The following ZNF19 variants were observed in gnomAD, a reference collection of about 807,000 sequenced individuals.
The protein encoded by ZNF19 is zinc finger protein 19, also known as zinc finger protein 19 (KOX 12).
ZNF19 carries 11 observed loss-of-function variants against 13.1 expected under a neutral mutation model. The observed-to-expected ratio is 0.84, with a 90% CI of 0.53 to 1.39. The LOEUF (loss-of-function observed/expected upper bound fraction) is 1.39, where lower values mean the gene tolerates loss of function less well. Ranked by LOEUF, ZNF19 falls within the 40% of genes most tolerant of loss-of-function variation. The pLI, the probability that ZNF19 is intolerant of heterozygous loss-of-function variation, is 0.00. For missense variants in ZNF19, 560 were observed against 547.0 expected (o/e 1.02, Z -0.24); for synonymous variants, 186 against 187.0 (o/e 0.99, Z 0.04).
At chr16:71,481,967 T>C in intron 3 of ZNF19, 115 bp downstream of exon 3, 1 of 1,078,348 alleles carries the variant, frequency 9.3e-7, no homozygotes, top group Non-Finnish European at 1.4e-6. Context: ...CTGGAGGGAA[T>C]CAGCAGGGGT....
In ZNF19 at chr16:71,484,720, G is replaced by T. The variant is rs1373090065; in HGVS notation, c.-161C>A. ...TGGTTGTGTGGTTTTACTCCCGGGA[G>T]GAGTTTCCACCCGGGGATCCTCAGA... On this transcript the variant is annotated 5_prime_UTR_variant, in exon 2 of 6. Transcript: ENST00000288177. The T allele has an allele frequency of 2.0e-6, 2 of 985,296 alleles. No individual in the cohort carries two copies. The highest frequency in any genetic ancestry group is 3.5e-5 in the African/African-American group (2 of 57,216). 61.0% of individuals were successfully genotyped at this position (985,296 alleles called of 1,614,324 possible).
chr16:71,480,409 G>A (rs928829892), intron 3 of ZNF19, among the ~76,000 whole-genome samples: 2 of 152,104 alleles, frequency 1.3e-5, no homozygotes, highest in Admixed American at 1.3e-4. Context: ...GTGGCAGTGT[G>A]ACAATATTTT....
intron 1 of ZNF19, among the ~76,000 whole-genome samples, chr16:71,488,299 G>A (rs948919497): frequency 6.6e-6 from 1 of 150,682 alleles, no homozygotes; most frequent in Non-Finnish European, 1.5e-5. Flanking sequence ...GGTGGAGGAT[G>A]CAGTAAGCTG....
rs749701548 is a variant in ZNF19, at chr16:71,476,090, T to C, written c.457A>G (p.Arg153Gly). ...TVKNIQGKVP[R>G]IPCARKPFIC... ...AAAGGTTTCCTTGCACAGGGGATTC[T>C]TGGAACCTTTCCTTGGATATTTTTC... The change falls in exon 6 of 6, where the codon AGA becomes GGA. Residue 153 changes from arginine (R) to glycine (G), a missense_variant. Arg to Gly is a moderately radical substitution (Grantham distance 125). Transcript: ENST00000288177. 6.2e-7 allele frequency: 1 copy of C among 1,614,238 alleles called. No individual in the cohort carries two copies. The highest frequency in any genetic ancestry group is 8.5e-7 in the Non-Finnish European group (1 of 1,180,028).
chr16:71,478,119 A>G (rs2043613751), intron 5 of ZNF19, 109 bp downstream of exon 5: 2 of 712,084 alleles, frequency 2.8e-6, no homozygotes, highest in African/African-American at 1.8e-5. Flanking sequence ...TATTTTACCT[A>G]TTAGGTGAAA....
chr16:71,478,202 G>A (rs1278196431), intron 5 of ZNF19, 26 bp downstream of exon 5: 1 of 1,512,640 alleles, frequency 6.6e-7, no homozygotes, highest in Admixed American at 1.7e-5. Flanking sequence ...CGCTACAATT[G>A]TTGGTTCTAA....
intron 3 of ZNF19, among the ~76,000 whole-genome samples, chr16:71,480,985 G>A (rs779392727): frequency 5.9e-5 from 9 of 152,204 alleles, no homozygotes; most frequent in East Asian, 5.8e-4. Context: ...GAATCTATCC[G>A]GGAAGCGCTG....
Position 71,475,182 on chromosome 16 carries a change from G to C in ZNF19, c.1365C>G (p.Pro455=), listed in dbSNP as rs374729640. 9.9e-5 allele frequency: 159 copies of C among 1,598,150 alleles called. 3 individuals carry two copies. In the Middle Eastern group the frequency reaches 2.1e-3, roughly 22 times the overall value. ...CRFGLPEFFT[P]FYW is the part of the protein sequence containing the mutation. ...CTGGAGTGTACTATTACCAGTAAAA[G>C]GGGGTAAAAAATTCTGGGAGGCCAA... The change falls in exon 6 of 6, where the codon CCC becomes CCG. Residue 455 remains proline (P), a synonymous_variant. Transcript: ENST00000288177.
At chr16:71,484,407 G>C (rs950415277) in intron 2 of ZNF19, among the ~76,000 whole-genome samples, 182 bp downstream of exon 2, 3 of 152,214 alleles carry the variant, frequency 2.0e-5, no homozygotes, top group African/African-American at 4.8e-5. Context: ...ATGCAGGCGT[G>C]GGGGAGCGAA....
At chr16:71,487,394 C>G (rs1319276336) in intron 1 of ZNF19, 1 of 155,796 alleles carries the variant, frequency 6.4e-6, no homozygotes, top group East Asian at 1.9e-4. Flanking sequence ...CCTCCCCAGC[C>G]ATGCCTCCTG....
intron 5 of ZNF19, 105 bp downstream of exon 5, chr16:71,478,123 G>A (rs2043613800): frequency 4.1e-6 from 3 of 737,596 alleles, no homozygotes; most frequent in African/African-American, 1.8e-5. Flanking sequence ...TTACCTATTA[G>A]GTGAAATCAT....
At chr16:71,484,780 TC>T in intron 1 of ZNF19, 32 bp from the exon 2 acceptor site, 1 of 978,526 alleles carries the variant, frequency 1.0e-6, no homozygotes, top group African/African-American at 1.7e-5. Flanking sequence ...ATCATTGTTT[TC>T]GCTAATCTCT....
At position 71,478,994 on chromosome 16, in the gene ZNF19, G is replaced by A. The variant is rs767861849; in HGVS notation, c.45C>T (p.Thr15=). 1.4e-5 allele frequency: 23 copies of A among 1,614,076 alleles called. No homozygotes were observed. In the East Asian group the frequency reaches 5.1e-4, roughly 36 times the overall value. ...TGAAGTGCACAGCCACATCCTCGAA[G>A]GTCACCATCTCCTAAAACAACAGGT... ...PLKAQYQEMV[T]FEDVAVHFTK... The change falls in exon 4 of 6, where the codon ACC becomes ACT. Residue 15 remains threonine, a synonymous_variant. Transcript: ENST00000288177.
chr16:71,486,766 T>C (rs2043681460), intron 1 of ZNF19, among the ~76,000 whole-genome samples: 1 of 152,194 alleles, frequency 6.6e-6, no homozygotes. Flanking sequence ...CCACTTTCTT[T>C]ATAGATTTGC....
rs998622409 is a variant in ZNF19 at position 71,484,752 on chromosome 16, G to C, written c.-189-4C>G. 1 of 984,848 alleles carries C rather than the reference G, an allele frequency of 1.0e-6. No homozygotes were observed. Among genetic ancestry groups the C allele is most frequent in the African/African-American group, 1.7e-5 (1 of 57,342 alleles). 61.0% of individuals were successfully genotyped at this position (984,848 alleles called of 1,614,324 possible). On this transcript the variant is annotated splice_region_variant and splice_polypyrimidine_tract_variant and intron_variant, in intron 1 of 5. Coordinates refer to ENST00000288177, the MANE Select transcript of ZNF19 (RefSeq NM_006961.4). ...CCACCCGGGGATCCTCAGAGACCTT[G>C]AATAGGAAAGAAAGTATATCATTGT... is the stretch of plus-strand genomic sequence containing the variant.
chr16:71,488,125 C>CG (rs2043692307), intron 1 of ZNF19, among the ~76,000 whole-genome samples: 1 of 151,814 alleles, frequency 6.6e-6, no homozygotes, highest in African/African-American at 2.4e-5. Flanking sequence ...TTTGGGAGGC[C>CG]AAGGTGGATG....
intron 2 of ZNF19, 108 bp from the exon 3 acceptor site, chr16:71,482,251 A>G: frequency 2.1e-6 from 2 of 949,800 alleles, no homozygotes; most frequent in South Asian, 1.4e-5. Context: ...CTAAATGCTC[A>G]CTGGGTTAGT....
At chr16:71,482,339 A>G (rs1217188820) in intron 2 of ZNF19, 196 bp from the exon 3 acceptor site, 9 of 571,292 alleles carry the variant, frequency 1.6e-5, no homozygotes, top group Non-Finnish European at 2.2e-5. Context: ...TTGAAAGAAT[A>G]AGTAACTTGT....
At chr16:71,483,063 G>C (rs1407804562) in intron 2 of ZNF19, among the ~76,000 whole-genome samples, 2 of 152,192 alleles carry the variant, frequency 1.3e-5, no homozygotes, top group African/African-American at 2.4e-5. Context: ...TTTAGAACTG[G>C]CAAAATGATT....
Sources: gnomAD v4.1 joint callset for allele counts (sites outside exome capture counted in the v4.1 genomes callset) on GRCh38, gnomAD v4.1.1 for gene constraint, MANE v1.5 for transcripts, NCBI Gene and HGNC (gene_info 2026-07-23, HGNC 2026-07-21) for gene names.